PID1: variants seen among roughly 807,000 people sequenced by gnomAD.
PID1 encodes the protein PTB-containing, cubilin and LRP1-interacting protein.
Under a neutral mutation model 19.1 loss-of-function variants are expected in PID1, and 10 were observed. That is an observed-to-expected ratio of 0.52 (90% CI 0.32 to 0.89). PID1 has a LOEUF of 0.89. Among genes scored for constraint, PID1 ranks in the 40% least tolerant of loss-of-function variants. The pLI is 0.03. For missense variants in PID1, 248 were observed against 285.3 expected, an observed-to-expected ratio of 0.87 and a Z score of 0.94; for synonymous variants, 130 against 116.0, an observed-to-expected ratio of 1.12 and a Z score of -0.78.
rs962607856 is a variant in PID1 at position 229,205,615 on chromosome 2, A to G, written c.31-49651T>C. ...CCCTAAAAAGATATTCTTTCTCCAT[A>G]TTATGTCAACAAAATGTAGAGTTAC... On this transcript the variant is annotated intron_variant, in intron 1 of 2. Transcript: ENST00000392055. 4.6e-5 allele frequency among the ~76,000 whole-genome samples: 7 copies of G among 152,210 alleles called. No homozygotes were observed. The South Asian group carries it at 1.2e-3, about 27-fold the overall frequency.
chr2:229,040,625 T>C (rs921555629), intron 2 of PID1, among the ~76,000 whole-genome samples: 1 of 152,042 alleles, frequency 6.6e-6, no homozygotes, highest in Non-Finnish European at 1.5e-5. Context: ...ATTCAACATA[T>C]AACCAAAGTA....
intron 2 of PID1, among the ~76,000 whole-genome samples, chr2:229,084,061 C>T (rs201550980): frequency 6.6e-6 from 1 of 152,196 alleles, no homozygotes; most frequent in East Asian, 1.9e-4. Flanking sequence ...CTTGAGACAG[C>T]TCACTGCCAA....
rs114543635 is a variant in PID1 at position 229,135,776 on chromosome 2, G to A, written c.177+20042C>T. On this transcript the variant is annotated intron_variant, in intron 2 of 2. Transcript: ENST00000392055. ...GGCAGAAAAAAAGACTTGAAGCTAA[G>A]GACAGGCCATGTTTAAGAGGGGAGA... Among the ~76,000 whole-genome samples the A allele has an allele frequency of 2.0e-3, 305 of 152,236 alleles. 1 individual carries two copies. Among genetic ancestry groups the A allele is most frequent in the African/African-American group, 7.0e-3 (292 of 41,534 alleles).
chr2:229,254,306 T>A (rs189677357), intron 1 of PID1, among the ~76,000 whole-genome samples: 1 of 152,284 alleles, frequency 6.6e-6, no homozygotes, highest in Non-Finnish European at 1.5e-5. Context: ...AACACAGATG[T>A]CCACTTCTGC....
At chr2:229,029,446 G>A (rs754850188) in intron 2 of PID1, among the ~76,000 whole-genome samples, 15 of 151,964 alleles carry the variant, frequency 9.9e-5, no homozygotes, top group South Asian at 6.2e-4. Context: ...ACAAGTGTTG[G>A]CAAGGATGAA....
Position 229,064,613 on chromosome 2 carries a change from A to T in PID1, c.178-38505T>A, listed in dbSNP as rs146096945. On this transcript the variant is annotated intron_variant, in intron 2 of 2. Coordinates refer to ENST00000392055, the MANE Select transcript of PID1 (RefSeq NM_001100818.2). ...ATTCATAAATTATCCAATTTTTGAT[A>T]AAAAAATTGCCATATTCGAAAGTGA... Among the ~76,000 whole-genome samples, 681 of 150,402 alleles carry T rather than the reference A, an allele frequency of 4.5e-3. 4 individuals carry two copies. The highest frequency in any genetic ancestry group is 0.016 in the African/African-American group (634 of 39,908).
intron 1 of PID1, among the ~76,000 whole-genome samples, chr2:229,211,383 C>G (rs1034937605): frequency 2.0e-5 from 3 of 152,008 alleles, no homozygotes; most frequent in Non-Finnish European, 4.4e-5. Flanking sequence ...AGTCTAAATG[C>G]AAAGCTGATC....
intron 2 of PID1, among the ~76,000 whole-genome samples, chr2:229,138,980 GA>G (rs1553565550): frequency 1.5e-5 from 1 of 67,024 alleles, no homozygotes. Context: ...GAAAAAAATA[GA>G]AGAAAGAAAG....
At chr2:229,096,025 A>G (rs1017515817) in intron 2 of PID1, among the ~76,000 whole-genome samples, 16 of 152,174 alleles carry the variant, frequency 1.1e-4, no homozygotes, top group African/African-American at 3.9e-4. Context: ...AAGCATGTCA[A>G]ATGATGTTGG....
At chr2:229,120,732 A>G (rs967697322) in intron 2 of PID1, among the ~76,000 whole-genome samples, 3 of 151,982 alleles carry the variant, frequency 2.0e-5, no homozygotes, top group African/African-American at 4.8e-5. Flanking sequence ...GGTCCCCAAC[A>G]TGGAGGTACT....
chr2:229,088,195 T>C (rs1694806055), intron 2 of PID1, among the ~76,000 whole-genome samples: 1 of 152,114 alleles, frequency 6.6e-6, no homozygotes, highest in South Asian at 2.1e-4. Context: ...AATAGGTGAG[T>C]CCTTATGAAC....
At chr2:229,029,272 G>A (rs1412071779) in intron 2 of PID1, among the ~76,000 whole-genome samples, 1 of 97,972 alleles carries the variant, frequency 1.0e-5, no homozygotes, top group Non-Finnish European at 2.2e-5. Context: ...CAATCCCTGG[G>A]GAAAAAAAAA....
chr2:229,187,132 A>C (rs1230286413), intron 1 of PID1, among the ~76,000 whole-genome samples: 1 of 152,156 alleles, frequency 6.6e-6, no homozygotes, highest in Non-Finnish European at 1.5e-5. Flanking sequence ...CACTATCCGC[A>C]TTTTTGTCAA....
chr2:229,232,431 CAAAAAA>C (rs386392861), intron 1 of PID1, among the ~76,000 whole-genome samples: 34 of 41,360 alleles, frequency 8.2e-4, no homozygotes, highest in African/African-American at 3.7e-3. Flanking sequence ...GACTCCATCT[CAAAAAA>C]AAAAAAAAAA....
At chr2:229,142,737 C>G (rs942355169) in intron 2 of PID1, among the ~76,000 whole-genome samples, 2 of 152,182 alleles carry the variant, frequency 1.3e-5, no homozygotes, top group African/African-American at 4.8e-5. Context: ...AACACTTTTA[C>G]ACTGTTGGTG....
intron 2 of PID1, among the ~76,000 whole-genome samples, chr2:229,073,658 CT>C (rs1050816469): frequency 6.6e-6 from 1 of 152,130 alleles, no homozygotes; most frequent in Non-Finnish European, 1.5e-5. Flanking sequence ...ACTATAATTA[CT>C]TTTTAAAGAA....
intron 1 of PID1, among the ~76,000 whole-genome samples, chr2:229,263,195 T>C (rs1426920852): frequency 6.6e-6 from 1 of 151,874 alleles, no homozygotes; most frequent in African/African-American, 2.4e-5. Context: ...TGAAAGGGGG[T>C]CACATTTTTC....
At chr2:229,128,515 T>G (rs1689635534) in intron 2 of PID1, among the ~76,000 whole-genome samples, 1 of 152,194 alleles carries the variant, frequency 6.6e-6, no homozygotes, top group Non-Finnish European at 1.5e-5. Flanking sequence ...AGCCAAAGGT[T>G]TTTTTAATTT....
At chr2:229,216,460 G>A (rs191828367) in intron 1 of PID1, among the ~76,000 whole-genome samples, 160 of 152,244 alleles carry the variant, frequency 1.1e-3, no homozygotes, top group African/African-American at 3.5e-3. Flanking sequence ...ACAGGAAGAA[G>A]AATATACTAC....
Sources: allele counts gnomAD v4.1 joint callset (sites outside exome capture counted in the v4.1 genomes callset), GRCh38; gene constraint gnomAD v4.1.1; transcripts MANE v1.5; gene names NCBI Gene and HGNC (gene_info 2026-07-23, HGNC 2026-07-21).